Variants in HIGD1B observed in about 807,000 individuals in gnomAD.
The protein encoded by HIGD1B is HIG1 domain family member 1B.
A neutral mutation model predicts 8.8 loss-of-function variants in HIGD1B; 9 were observed. The ratio of observed to expected loss-of-function variants is 1.02; its 90% CI spans 0.62 to 1.78. The LOEUF is 1.78. HIGD1B is among the 40% of genes most tolerant of loss of function. The pLI is 0.00. For synonymous variants in HIGD1B, 47 were observed against 38.8 expected, an observed-to-expected ratio of 1.21 and a Z score of -0.78; for missense variants, 126 against 111.8, an observed-to-expected ratio of 1.13 and a Z score of -0.57.
At chr17:44,845,581 G>A (rs189735879), upstream of HIGD1B, among the ~76,000 whole-genome samples, 1 of 152,156 alleles carries the variant, frequency 6.6e-6, no homozygotes, top group East Asian at 1.9e-4. Context: ...AGTGAGCCAA[G>A]ATCACACAGC....
In HIGD1B at chr17:44,849,056, G is replaced by A. The variant is rs565793011; in HGVS notation, c.101-198G>A. 6.9e-5 allele frequency: 38 copies of A among 553,196 alleles called. No individual in the cohort carries two copies. The South Asian group carries it at 7.1e-4, about 10-fold the overall frequency. The allele number at this position is 553,196 out of a possible 1,614,324, so 34.3% of individuals were successfully genotyped here. A position where few individuals can be genotyped will look rare whatever the true frequency, so the allele number is the denominator to read the frequency against. On this transcript the variant is annotated intron_variant, in intron 1 of 2. Coordinates refer to ENST00000253410, the MANE Select transcript of HIGD1B (RefSeq NM_016438.4). ...TCCCAAAAGTGCTGGGATTACAGGC[G>A]TGAGCCACCATGCCCCGGCAACAAC...
chr17:44,845,148 C>T (rs1370109714), upstream of HIGD1B, among the ~76,000 whole-genome samples: 7 of 151,572 alleles, frequency 4.6e-5, no homozygotes, highest in East Asian at 1.4e-3. Context: ...ATCCCAGCTA[C>T]TCGGGAGGCT....
At chr17:44,850,204 G>GCAGAAA in intron 2 of HIGD1B, 128 bp from the exon 3 acceptor site, 1 of 659,718 alleles carries the variant, frequency 1.5e-6, no homozygotes. Context: ...GGGACCTGGG[G>GCAGAAA]CAGAAAGATG....
chr17:44,848,302 G>T, intron 1 of HIGD1B, 50 bp downstream of exon 1: 1 of 844,456 alleles, frequency 1.2e-6, no homozygotes, highest in East Asian at 2.4e-5. Context: ...TCTCTGTCAT[G>T]TCTCCTGGTA....
chr17:44,845,179 A>G (rs1270558630), upstream of HIGD1B, among the ~76,000 whole-genome samples: 2 of 150,816 alleles, frequency 1.3e-5, no homozygotes, highest in Non-Finnish European at 2.9e-5. Flanking sequence ...AATCACTTGA[A>G]CCCGGGAGGC....
rs1207806601 is a variant in HIGD1B, at chr17:44,850,336, T to G, written c.240T>G (p.Ala80=). 1.2e-6 allele frequency: 2 copies of G among 1,612,208 alleles called. No homozygotes were observed. Among genetic ancestry groups the G allele is most frequent in the Non-Finnish European group, 1.7e-6 (2 of 1,178,834 alleles). ...ACAVGAIMLG[A]VYTMYSDYVK... ...TATTTCTTTTCTCTCACACAGGTGC[T>G]GTGTACACAATGTACAGCGATTACG... is the stretch of plus-strand genomic sequence containing the variant. Residue 80 remains alanine, a synonymous_variant, in exon 3 of 3, where the codon GCT becomes GCG. Transcript: ENST00000253410.
chr17:44,849,565 T>A (rs903106977), intron 2 of HIGD1B, among the ~76,000 whole-genome samples, 177 bp downstream of exon 2: 1 of 151,948 alleles, frequency 6.6e-6, no homozygotes, highest in Non-Finnish European at 1.5e-5. Context: ...AGAGAGACCA[T>A]CCTGGCCAAC....
upstream of HIGD1B, chr17:44,847,852 T>G (rs547368208): frequency 7.2e-6 from 2 of 279,198 alleles, no homozygotes; most frequent in South Asian, 8.8e-5. Context: ...CCCATAGGGA[T>G]GCAGATGGGG....
Position 44,848,137 on chromosome 17 carries a change from ATCCAGG to A in HIGD1B, c.-9_-4del. On this transcript the variant is annotated 5_prime_UTR_variant, in exon 1 of 3. Transcript: ENST00000253410. ...CAGCATAGGAGTCTCAGCTGCTTAC[ATCCAGG>A]TCCAGGATTATGTCTGCTAACAGAC... is the stretch of plus-strand genomic sequence containing the variant. 1 of 870,936 alleles carries A rather than the reference ATCCAGG, an allele frequency of 1.1e-6. No homozygotes were observed. The allele number at this position is 870,936 out of a possible 1,614,324, so 54.0% of individuals were successfully genotyped here. A position where few individuals can be genotyped will look rare whatever the true frequency, so the allele number is the denominator to read the frequency against.
chr17:44,849,481 G>A (rs908131671), intron 2 of HIGD1B, 93 bp downstream of exon 2: 2 of 1,478,240 alleles, frequency 1.4e-6, no homozygotes, highest in African/African-American at 1.4e-5. Flanking sequence ...ACTGTGCTTG[G>A]CTGGGCGCGG....
chr17:44,847,325 C>A (rs928642300), upstream of HIGD1B, among the ~76,000 whole-genome samples: 2 of 151,270 alleles, frequency 1.3e-5, no homozygotes, highest in Non-Finnish European at 2.9e-5. Context: ...CCCAGCTACT[C>A]GGGAGGCTGA....
chr17:44,847,862 G>A (rs2050339355), upstream of HIGD1B: 1 of 295,696 alleles, frequency 3.4e-6, no homozygotes, highest in Admixed American at 4.8e-5. Flanking sequence ...TGCAGATGGG[G>A]GAAGGGGAAG....
chr17:44,850,338 T>C lies in HIGD1B; in HGVS notation c.242T>C (p.Val81Ala). The change falls in exon 3 of 3, where the codon GTG becomes GCG. Residue 81 changes from valine (V) to alanine (A), a missense_variant. Transcript: ENST00000253410. ...TTTCTTTTCTCTCACACAGGTGCTGTGTACACAATGTACAGCGATTACGTC... is the reference window on the plus strand; with the variant it reads ...TTTCTTTTCTCTCACACAGGTGCTGCGTACACAATGTACAGCGATTACGTC... Reference protein sequence around the residue: ...CAVGAIMLGAVYTMYSDYVKR... With the variant: ...CAVGAIMLGAAYTMYSDYVKR... 1 of 1,612,628 alleles carries C rather than the reference T, an allele frequency of 6.2e-7. No homozygotes were observed. The highest frequency in any genetic ancestry group is 8.5e-7 in the Non-Finnish European group (1 of 1,179,164).
In HIGD1B at chr17:44,849,293, A is replaced by C; in HGVS notation, c.140A>C (p.Tyr47Ser). Residue 47 changes from tyrosine (Y) to serine (S), a missense_variant, in exon 2 of 3, where the codon TAC becomes TCC. By Grantham distance (144) the Tyr-to-Ser change is moderately radical. Transcript: ENST00000253410. ...TTGGTGGTAGCAGCATACAGGATTTACCGGCTGAGGTCTCGTGGTTCCACC... is the reference window on the plus strand; with the variant it reads ...TTGGTGGTAGCAGCATACAGGATTTCCCGGCTGAGGTCTCGTGGTTCCACC... ...GCLVVAAYRI[Y>S]RLRSRGSTKM... 6.2e-7 allele frequency: 1 copy of C among 1,614,012 alleles called. No homozygotes were observed. The highest frequency in any genetic ancestry group is 8.5e-7 in the Non-Finnish European group (1 of 1,180,002).
chr17:44,849,154 C>A, intron 1 of HIGD1B, 100 bp from the exon 2 acceptor site: 3 of 1,416,418 alleles, frequency 2.1e-6, no homozygotes, highest in South Asian at 1.3e-5. Context: ...ATAAAACCAG[C>A]TGTTTATCCA....
chr17:44,849,104 AG>A (rs767330295), intron 1 of HIGD1B, 149 bp from the exon 2 acceptor site: 1 of 779,738 alleles, frequency 1.3e-6, no homozygotes, highest in Non-Finnish European at 2.0e-6. Flanking sequence ...TGATCCCCCT[AG>A]GTCCCCCGCA....
chr17:44,848,228 C>A lies in HIGD1B; in HGVS notation c.76C>A (p.Arg26=), dbSNP rs779573328. The part of the protein sequence containing the change: ...CVSEKLLRKT[R]ESPLVPIGLG... ...GTCTGAGAAGCTCCTGAGGAAGACT[C>A]GGGAATCTCCACTGGTGCCTATAGG... Residue 26 remains arginine (R), a synonymous_variant, in exon 1 of 3, where the codon CGG becomes AGG. Transcript: ENST00000253410. 1 of 872,844 alleles carries A rather than the reference C, an allele frequency of 1.1e-6. No homozygotes were observed. Among genetic ancestry groups the A allele is most frequent in the South Asian group, 1.3e-5 (1 of 76,540 alleles). 54.1% of individuals were successfully genotyped at this position (872,844 alleles called of 1,614,324 possible). A position where few individuals can be genotyped will look rare whatever the true frequency, so the allele number is the denominator to read the frequency against.
chr17:44,849,742 G>A (rs947461566), intron 2 of HIGD1B, among the ~76,000 whole-genome samples: 19 of 131,670 alleles, frequency 1.4e-4, no homozygotes, highest in South Asian at 8.3e-4. Flanking sequence ...CCGGGTGACA[G>A]AGTGAGACTC....
Position 44,849,359 on chromosome 17 carries a change from AG to A in HIGD1B, c.208del (p.Ala70ProfsTer9). The A allele has an allele frequency of 6.2e-7, 1 of 1,614,142 alleles. No homozygotes were observed. Among genetic ancestry groups the A allele is most frequent in the Non-Finnish European group, 8.5e-7 (1 of 1,179,996 alleles). ...IHLIHTRVAA[Q>X]ACAVGAIMLG... ...CTGATTCACACCCGAGTGGCAGCGC[AG>A]GCCTGTGCAGTGGGTGCAATCATGC... is the stretch of plus-strand genomic sequence containing the variant. On this transcript the variant is annotated frameshift_variant, in exon 2 of 3. Coordinates refer to ENST00000253410, the MANE Select transcript of HIGD1B (RefSeq NM_016438.4). LOFTEE classifies it high-confidence loss of function.
Sources: gnomAD v4.1 joint callset for allele counts (sites outside exome capture counted in the v4.1 genomes callset) on GRCh38, gnomAD v4.1.1 for gene constraint, MANE v1.5 for transcripts, NCBI Gene and HGNC (gene_info 2026-07-23, HGNC 2026-07-21) for gene names.